RAD51C: variants seen among roughly 807,000 people sequenced by gnomAD.
RAD51C encodes RAD51 paralog C.
A neutral mutation model predicts 45.0 loss-of-function variants in RAD51C; 42 were observed. The observed-to-expected ratio is 0.93, with a 90% CI of 0.73 to 1.21. The LOEUF is 1.21. Among genes scored for constraint, RAD51C ranks in the 50% most tolerant of loss-of-function variants. RAD51C has a pLI of 0.00. For missense variants in RAD51C, 474 were observed against 452.2 expected (o/e 1.05, Z -0.44); for synonymous variants, 172 against 159.8 (o/e 1.08, Z -0.58).
chr17:58,722,030 A>G (rs1450589366), intron 6 of RAD51C, among the ~76,000 whole-genome samples: 1 of 152,132 alleles, frequency 6.6e-6, no homozygotes, highest in Non-Finnish European at 1.5e-5. Flanking sequence ...CTCAGGGGTA[A>G]TCAAACTCAG....
intron 4 of RAD51C, among the ~76,000 whole-genome samples, chr17:58,709,030 A>G (rs1362657570): frequency 6.6e-6 from 1 of 151,950 alleles, no homozygotes; most frequent in African/African-American, 2.4e-5. Context: ...TTTTATCAGT[A>G]AAGACTGTGT....
rs147693270 is a variant in RAD51C at position 58,702,403 on chromosome 17, A to G, written c.572-793A>G. Among the ~76,000 whole-genome samples the G allele has an allele frequency of 6.1e-3, 927 of 152,126 alleles. 6 individuals are homozygous for G. Among genetic ancestry groups the G allele is most frequent in the Middle Eastern group, 0.027 (8 of 294 alleles). The stretch of plus-strand genomic sequence containing the variant: ...CAGTGGAAAAATGTGAAAATAATAG[A>G]TCAGGTCGGGTGTGGTGGTTCATGC... On this transcript the variant is annotated intron_variant, in intron 3 of 8. Coordinates refer to ENST00000337432, the MANE Select transcript of RAD51C (RefSeq NM_058216.3).
At chr17:58,719,491 T>G (rs1180962064) in intron 5 of RAD51C, among the ~76,000 whole-genome samples, 5 of 151,968 alleles carry the variant, frequency 3.3e-5, no homozygotes, top group Non-Finnish European at 5.9e-5. Context: ...AAGATCAGCC[T>G]GGGCAACATA....
At position 58,692,677 on chromosome 17, in the gene RAD51C, C is replaced by G. The variant is rs28910276; in HGVS notation, c.34C>G (p.Arg12Gly). 2 of 1,614,220 alleles carry G rather than the reference C, an allele frequency of 1.2e-6. No individual in the cohort carries two copies. The highest frequency in any genetic ancestry group is 1.7e-6 in the Non-Finnish European group (2 of 1,180,044). ...RGKTFRFEMQ[R>G]DLVSFPLSPA... ...GAAGACGTTCCGCTTTGAAATGCAG[C>G]GGGATTTGGTGAGTTTCCCGCTGTC... Residue 12 changes from arginine to glycine, a missense_variant, in exon 1 of 9, where the codon CGG becomes GGG. Transcript: ENST00000337432.
chr17:58,714,461 A>G (rs758097925), intron 5 of RAD51C, among the ~76,000 whole-genome samples: 19 of 151,718 alleles, frequency 1.3e-4, no homozygotes, highest in Non-Finnish European at 2.5e-4. Flanking sequence ...TCTTTTATTT[A>G]TTTATTTATA....
At chr17:58,692,820 C>G (rs976614805) in intron 1 of RAD51C, 32 bp downstream of exon 1, 4 of 1,613,756 alleles carry the variant, frequency 2.5e-6, no homozygotes, top group Non-Finnish European at 3.4e-6. Flanking sequence ...CTGAGGCACA[C>G]CGGCCGCCGT....
Position 58,734,405 on chromosome 17 carries a change from G to A in RAD51C, c.*183G>A. 1 of 1,012,200 alleles carries A rather than the reference G, an allele frequency of 9.9e-7. No homozygotes were observed. The highest frequency in any genetic ancestry group is 1.7e-5 in the South Asian group (1 of 58,892). 62.7% of individuals were successfully genotyped at this position (1,012,200 alleles called of 1,614,324 possible). ...GAAAGTTTTTCTAAAGCAGTATTCT[G>A]CAATTATATTTTACCCTGTTTTCAT... On this transcript the variant is annotated 3_prime_UTR_variant, in exon 9 of 9. Transcript: ENST00000337432.
At chr17:58,727,473 T>C (rs1228375003) in intron 7 of RAD51C, among the ~76,000 whole-genome samples, 1 of 152,176 alleles carries the variant, frequency 6.6e-6, no homozygotes, top group African/African-American at 2.4e-5. Flanking sequence ...TAACTGTTTC[T>C]AGAAGGTAAT....
At chr17:58,695,360 C>T (rs1419776112) in intron 2 of RAD51C, 171 bp downstream of exon 2, 1 of 1,379,024 alleles carries the variant, frequency 7.3e-7, no homozygotes, top group African/African-American at 1.5e-5. Flanking sequence ...ATTATCCCTT[C>T]TTGATAAATG....
rs1369926807 is a variant in RAD51C, at chr17:58,732,302, AT to A, written c.966-181del. On this transcript the variant is annotated intron_variant, in intron 7 of 8. Coordinates refer to ENST00000337432, the MANE Select transcript of RAD51C (RefSeq NM_058216.3). ...TTTAAAATTTCATATAAACTCTGTT[AT>A]ATACATACGGGTAATTTGAAGGGTG... 92 of 555,240 alleles carry A rather than the reference AT, an allele frequency of 1.7e-4. 1 individual carries two copies. In the East Asian group the frequency reaches 2.7e-3, roughly 16 times the overall value. 34.4% of individuals were successfully genotyped at this position (555,240 alleles called of 1,614,324 possible). A position where few individuals can be genotyped will look rare whatever the true frequency, so the allele number is the denominator to read the frequency against.
At chr17:58,693,245 G>C (rs2047855750) in intron 1 of RAD51C, 2 of 187,500 alleles carry the variant, frequency 1.1e-5, no homozygotes, top group Non-Finnish European at 2.3e-5. Context: ...TAGGACTAGA[G>C]ACACTAAGAA....
chr17:58,734,186 C>A lies in RAD51C; in HGVS notation c.1095C>A (p.Thr365=), dbSNP rs1960350100. 1 of 1,613,178 alleles carries A rather than the reference C, an allele frequency of 6.2e-7. No homozygotes were observed. Among genetic ancestry groups the A allele is most frequent in the Non-Finnish European group, 8.5e-7 (1 of 1,179,580 alleles). The change falls in exon 9 of 9, where the codon ACC becomes ACA. Residue 365 remains threonine, a synonymous_variant. Transcript: ENST00000337432. Reference sequence around the variant, plus strand: ...TGCAAACAGAAGGTTCCTTGAGCACCCGGAAACGGTCACGAGACCCAGAGG... The same window carrying A: ...TGCAAACAGAAGGTTCCTTGAGCACACGGAAACGGTCACGAGACCCAGAGG... ...CSLQTEGSLS[T]RKRSRDPEEE...
In RAD51C at chr17:58,696,706, G is replaced by C. The variant is rs730881938; in HGVS notation, c.418G>C (p.Val140Leu). The C allele has an allele frequency of 6.2e-7, 1 of 1,614,066 alleles. No homozygotes were observed. The highest frequency in any genetic ancestry group is 1.3e-5 in the African/African-American group (1 of 74,918). Reference protein sequence around the residue: ...GKTQLCMQLAVDVQIPECFGG... With the variant: ...GKTQLCMQLALDVQIPECFGG... ...TTCTGTTGACAGTATGCAGTTGGCA[G>C]TAGATGTGCAGATACCAGAATGTTT... The change falls in exon 3 of 9, where the codon GTA becomes CTA. Residue 140 changes from valine to leucine, a missense_variant. By Grantham distance (32) the Val-to-Leu change is conservative. Coordinates refer to ENST00000337432, the MANE Select transcript of RAD51C (RefSeq NM_058216.3).
chr17:58,715,065 A>G (rs528701394), intron 5 of RAD51C, among the ~76,000 whole-genome samples: 3 of 152,118 alleles, frequency 2.0e-5, no homozygotes, highest in South Asian at 2.1e-4. Context: ...CTTGCGGTCA[A>G]CTATAACTTT....
chr17:58,695,301 AGT>A, intron 2 of RAD51C, 112 bp downstream of exon 2: 1 of 1,453,262 alleles, frequency 6.9e-7, no homozygotes. Context: ...CTTAATTTTA[AGT>A]GTGTATGTGC....
chr17:58,733,508 G>T (rs1555605330), intron 8 of RAD51C, among the ~76,000 whole-genome samples: 1 of 152,126 alleles, frequency 6.6e-6, no homozygotes. Context: ...TAAGACTTAG[G>T]TTATTTCCTT....
Position 58,696,755 on chromosome 17 carries a change from T to A in RAD51C, c.467T>A (p.Val156Asp), listed in dbSNP as rs1435180142. Residue 156 changes from valine (V) to aspartate (D), a missense_variant, in exon 3 of 9, where the codon GTT (valine) becomes GAT (aspartate). Transcript: ENST00000337432. ...ECFGGVAGEA[V>D]FIDTEGSFMV... ...TTTGGAGGAGTGGCAGGTGAAGCAG[T>A]TTTTATTGATACAGAGGGAAGTTTT... 6.2e-7 allele frequency: 1 copy of A among 1,614,084 alleles called. No homozygotes were observed.
intron 5 of RAD51C, among the ~76,000 whole-genome samples, chr17:58,714,584 G>A (rs1248649451): frequency 3.9e-5 from 6 of 151,900 alleles, no homozygotes; most frequent in Admixed American, 3.9e-4. Flanking sequence ...TCAGCCTCCC[G>A]AGTAGCTGGA....
intron 5 of RAD51C, among the ~76,000 whole-genome samples, chr17:58,713,974 T>C (rs1476658031): frequency 1.3e-5 from 2 of 151,660 alleles, no homozygotes; most frequent in African/African-American, 4.8e-5. Flanking sequence ...TCCTTATTGA[T>C]GGTCTCTCTC....
Sources: allele counts gnomAD v4.1 joint callset (sites outside exome capture counted in the v4.1 genomes callset), GRCh38; gene constraint gnomAD v4.1.1; transcripts MANE v1.5; gene names NCBI Gene and HGNC (gene_info 2026-07-23, HGNC 2026-07-21).